Variants in NANS observed in about 807,000 individuals in gnomAD.
The protein encoded by NANS is N-acetylneuraminate synthase.
NANS carries 29 observed loss-of-function variants against 33.3 expected under a neutral mutation model. The ratio of observed to expected loss-of-function variants is 0.87; its 90% CI spans 0.65 to 1.19. The LOEUF (loss-of-function observed/expected upper bound fraction) is 1.19, where lower values mean the gene tolerates loss of function less well. Ranked by LOEUF, NANS falls within the 50% of genes most tolerant of loss-of-function variation. NANS has a pLI of 0.00. For synonymous variants in NANS, 163 were observed against 177.2 expected (o/e 0.92, Z 0.64); for missense variants, 394 against 461.1 (o/e 0.85, Z 1.33).
At chr9:98,056,974 G>GCGC in intron 1 of NANS, 34 bp downstream of exon 1, 1 of 1,544,254 alleles carries the variant, frequency 6.5e-7, no homozygotes, top group East Asian at 2.4e-5. Flanking sequence ...CGGGATTCGG[G>GCGC]CGCCGGGAGG....
chr9:98,064,908 A>C (rs539559238), intron 2 of NANS, among the ~76,000 whole-genome samples: 4 of 152,268 alleles, frequency 2.6e-5, no homozygotes, highest in African/African-American at 9.6e-5. Context: ...TGGGCCCAAG[A>C]GCTGCCTTGG....
At chr9:98,060,401 A>G (rs7862535) in intron 1 of NANS, among the ~76,000 whole-genome samples, 49,349 of 152,090 alleles carry the variant, frequency 0.32, 10,778 homozygotes, top group African/African-American at 0.62. Context: ...GGGCGCAGTG[A>G]CTCATGCCTG....
chr9:98,065,801 A>C lies in NANS; in HGVS notation c.348+4804A>C, dbSNP rs1243679661. ...GGCTGGTCTTTCCCGTGCTATTCTC[A>C]TGATAGTGAATGAGTCTCATGAGAT... On this transcript the variant is annotated intron_variant, in intron 2 of 5. Transcript: ENST00000210444. Among the ~76,000 whole-genome samples the C allele has an allele frequency of 4.6e-5, 7 of 152,060 alleles. No homozygotes were observed. The East Asian group carries it at 1.3e-3, about 29-fold the overall frequency.
intron 2 of NANS, among the ~76,000 whole-genome samples, chr9:98,062,892 T>C (rs932963028): frequency 1.3e-5 from 2 of 151,424 alleles, no homozygotes; most frequent in Non-Finnish European, 2.9e-5. Flanking sequence ...ATCTCAAAAT[T>C]CAAAGTTTAA....
At position 98,077,793 on chromosome 9, in the gene NANS, C is replaced by G. The variant is rs1329309665; in HGVS notation, c.449-400C>G. ...GAGGCCTCTGAGACTCAGAGACGGA[C>G]AGTACTCTGCCCAGGCACAGCTAGA... On this transcript the variant is annotated intron_variant, in intron 3 of 5. Coordinates refer to ENST00000210444, the MANE Select transcript of NANS (RefSeq NM_018946.4). 3.9e-5 allele frequency among the ~76,000 whole-genome samples: 6 copies of G among 152,196 alleles called. No homozygotes were observed. In the East Asian group the frequency reaches 9.6e-4, roughly 24 times the overall value.
At position 98,065,483 on chromosome 9, in the gene NANS, ATTTTTTTTT is replaced by A. The variant is rs397837187; in HGVS notation, c.348+4505_348+4513del. On this transcript the variant is annotated intron_variant, in intron 2 of 5. Coordinates refer to ENST00000210444, the MANE Select transcript of NANS (RefSeq NM_018946.4). ...AGGCGTCCACCACCATGCCCAGCTA[ATTTTTTTTT>A]TTTTTTTTTTTTTTTTTTGTATTTT... Among the ~76,000 whole-genome samples, 40 of 58,630 alleles carry A rather than the reference ATTTTTTTTT, an allele frequency of 6.8e-4. 1 individual carries two copies. The highest frequency in any genetic ancestry group is 5.0e-3 in the Admixed American group (19 of 3,768). The allele number at this position is 58,630 out of a possible 152,430, so 38.5% of individuals were successfully genotyped here.
chr9:98,076,794 T>C (rs1009164574), intron 2 of NANS, 124 bp from the exon 3 acceptor site: 2 of 697,864 alleles, frequency 2.9e-6, no homozygotes, highest in South Asian at 3.5e-5. Context: ...TGCTTTCAAG[T>C]TGCTGAGCGT....
At chr9:98,063,030 A>G (rs1280190447) in intron 2 of NANS, among the ~76,000 whole-genome samples, 2 of 151,618 alleles carry the variant, frequency 1.3e-5, no homozygotes, top group Non-Finnish European at 2.9e-5. Flanking sequence ...CCCGCCTCCC[A>G]GGTTGAAGCG....
intron 1 of NANS, among the ~76,000 whole-genome samples, chr9:98,059,549 G>A (rs1828918013): frequency 6.6e-6 from 1 of 152,090 alleles, no homozygotes; most frequent in African/African-American, 2.4e-5. Flanking sequence ...TGAGTAGCTG[G>A]GACTACAAGC....
intron 4 of NANS, among the ~76,000 whole-genome samples, chr9:98,080,183 C>A (rs1168435690): frequency 1.3e-5 from 2 of 152,216 alleles, no homozygotes; most frequent in Non-Finnish European, 2.9e-5. Context: ...CATTGCACTC[C>A]AGCCTTGGTG....
In NANS at chr9:98,072,136, C is replaced by G. The variant is rs1177794533; in HGVS notation, c.349-4782C>G. Among the ~76,000 whole-genome samples the G allele has an allele frequency of 3.9e-5, 6 of 152,152 alleles. No homozygotes were observed. In the East Asian group the frequency reaches 9.6e-4, roughly 24 times the overall value. ...CACACTCTGTGTGGCTTGGGCTCCT[C>G]ATGTAACCTTGGAGCCGCAGTGGCC... On this transcript the variant is annotated intron_variant, in intron 2 of 5. Transcript: ENST00000210444.
chr9:98,065,657 CT>C (rs1189116502), intron 2 of NANS, among the ~76,000 whole-genome samples: 1 of 150,556 alleles, frequency 6.6e-6, no homozygotes, highest in African/African-American at 2.4e-5. Flanking sequence ...TTTTTTCCCC[CT>C]GGAGACAGAA....
intron 2 of NANS, among the ~76,000 whole-genome samples, chr9:98,067,366 A>G (rs1306490519): frequency 6.6e-6 from 1 of 152,236 alleles, no homozygotes; most frequent in African/African-American, 2.4e-5. Context: ...CATTCCCGCC[A>G]GCAGGGTTTG....
chr9:98,065,043 T>C (rs1343347230), intron 2 of NANS, among the ~76,000 whole-genome samples: 1 of 152,192 alleles, frequency 6.6e-6, no homozygotes, highest in East Asian at 1.9e-4. Flanking sequence ...GTTTCAAATC[T>C]GAGACCTGGG....
At chr9:98,077,153 G>C (rs1829629807) in intron 3 of NANS, 136 bp downstream of exon 3, 2 of 664,370 alleles carry the variant, frequency 3.0e-6, no homozygotes, top group African/African-American at 3.7e-5. Flanking sequence ...AATAGAGATA[G>C]GGTCTCGCTG....
chr9:98,072,504 C>T (rs1456475323), intron 2 of NANS, among the ~76,000 whole-genome samples: 3 of 151,766 alleles, frequency 2.0e-5, no homozygotes, highest in African/African-American at 4.8e-5. Context: ...CTCCACCTCA[C>T]GGGTTCAAGC....
At chr9:98,069,128 A>T (rs1317308500) in intron 2 of NANS, 1 of 152,212 alleles carries the variant, frequency 6.6e-6, no homozygotes, top group East Asian at 1.9e-4. Flanking sequence ...TTCATACAAA[A>T]ACCTGTATGT....
chr9:98,059,052 C>CT (rs1173695116), intron 1 of NANS, among the ~76,000 whole-genome samples: 1 of 151,756 alleles, frequency 6.6e-6, no homozygotes, highest in African/African-American at 2.4e-5. Flanking sequence ...AAGACGGAGT[C>CT]TCGCTGTGTC....
Position 98,078,270 on chromosome 9 carries a change from A to G in NANS, c.526A>G (p.Asn176Asp), listed in dbSNP as rs1483500799. The change falls in exon 4 of 6, where the codon AAC becomes GAC. Residue 176 changes from asparagine to aspartate, a missense_variant. Physicochemically the swap from Asn to Asp is conservative, Grantham distance 23. Coordinates refer to ENST00000210444, the MANE Select transcript of NANS (RefSeq NM_018946.4). ...KQVYQIVKPL[N>D]PNFCFLQCTS... is the part of the protein sequence containing the mutation. Reference sequence around the variant, plus strand: ...AGTTTATCAGATCGTGAAGCCCCTCAACCCCAACTTCTGCTTCTTGCAGTG... The same window carrying G: ...AGTTTATCAGATCGTGAAGCCCCTCGACCCCAACTTCTGCTTCTTGCAGTG... 1.9e-6 allele frequency: 3 copies of G among 1,614,050 alleles called. No homozygotes were observed. In the East Asian group the frequency reaches 6.7e-5, roughly 36 times the overall value.
Sources: allele counts gnomAD v4.1 joint callset (sites outside exome capture counted in the v4.1 genomes callset), GRCh38; gene constraint gnomAD v4.1.1; transcripts MANE v1.5; gene names NCBI Gene and HGNC (gene_info 2026-07-23, HGNC 2026-07-21).